CSMD2: variants seen among roughly 807,000 people sequenced by gnomAD.
CSMD2 encodes the protein CUB and sushi domain-containing protein 2.
CSMD2 carries 130 observed loss-of-function variants against 398.5 expected under a neutral mutation model. The observed-to-expected ratio is 0.33, with a 90% CI of 0.28 to 0.38. CSMD2 has a LOEUF of 0.38. Among genes scored for constraint, CSMD2 ranks in the 10% least tolerant of loss-of-function variants. The pLI is 1.00. For synonymous variants in CSMD2, 1,828 were observed against 1,908.5 expected (o/e 0.96, Z 1.10); for missense variants, 3,829 against 4,764.9 (o/e 0.80, Z 5.78).
chr1:33,772,421 A>T, intron 13 of CSMD2, 148 bp downstream of exon 13: 1 of 643,356 alleles, frequency 1.6e-6, no homozygotes, highest in Admixed American at 2.9e-5. Context: ...CCCACCAGCA[A>T]CGTTCCGAGG....
At chr1:34,046,107 TC>T (rs1446230706) in intron 2 of CSMD2, among the ~76,000 whole-genome samples, 1 of 152,204 alleles carries the variant, frequency 6.6e-6, no homozygotes, top group Non-Finnish European at 1.5e-5. Context: ...AAAGCTACCT[TC>T]CGTTAGATGA....
intron 1 of CSMD2, among the ~76,000 whole-genome samples, chr1:34,095,637 C>A (rs1323404119): frequency 6.6e-6 from 1 of 151,754 alleles, no homozygotes; most frequent in Non-Finnish European, 1.5e-5. Context: ...AACACCTCTA[C>A]GCAAATAAAC....
intron 4 of CSMD2, among the ~76,000 whole-genome samples, chr1:33,922,980 G>A (rs975443883): frequency 3.3e-5 from 5 of 152,074 alleles, no homozygotes; most frequent in African/African-American, 1.2e-4. Flanking sequence ...GTGATGTTTT[G>A]ATATATGTAT....
At chr1:33,816,252 T>C (rs1657451510) in intron 9 of CSMD2, among the ~76,000 whole-genome samples, 1 of 152,200 alleles carries the variant, frequency 6.6e-6, no homozygotes, top group Non-Finnish European at 1.5e-5. Context: ...AAGTTCCTGT[T>C]AATTATTTAC....
At position 33,605,279 on chromosome 1, in the gene CSMD2, T is replaced by C. The variant is rs1422946547; in HGVS notation, c.6532+3A>G. 1.2e-6 allele frequency: 2 copies of C among 1,613,754 alleles called. No homozygotes were observed. The highest frequency in any genetic ancestry group is 2.2e-5 in the South Asian group (2 of 91,012). On this transcript the variant is annotated splice_donor_region_variant and intron_variant, in intron 42 of 70. Coordinates refer to ENST00000373381, the MANE Select transcript of CSMD2 (RefSeq NM_001281956.2). ...AACTGCTGGGGATGAGGGAGCGACA[T>C]ACCTTCACACTTGGGCAGGGGGTGG...
At chr1:34,047,606 T>C (rs1325352631) in intron 2 of CSMD2, among the ~76,000 whole-genome samples, 1 of 152,130 alleles carries the variant, frequency 6.6e-6, no homozygotes, top group African/African-American at 2.4e-5. Context: ...AACCCCAGTA[T>C]TGAGAACAGC....
intron 26 of CSMD2, 149 bp from the exon 27 acceptor site, chr1:33,658,286 A>T: frequency 3.1e-6 from 2 of 635,498 alleles, no homozygotes; most frequent in South Asian, 3.9e-5. Flanking sequence ...CTGTAGCCAC[A>T]GTGCCACTAT....
intron 16 of CSMD2, among the ~76,000 whole-genome samples, chr1:33,725,914 TAA>T (rs1005587030): frequency 1.3e-5 from 2 of 149,706 alleles, no homozygotes; most frequent in African/African-American, 5.0e-5. Flanking sequence ...TTTACATTTG[TAA>T]AGAGATCTTA....
intron 3 of CSMD2, among the ~76,000 whole-genome samples, chr1:33,950,114 C>T (rs1403525062): frequency 1.3e-5 from 2 of 151,680 alleles, no homozygotes; most frequent in African/African-American, 4.8e-5. Context: ...CAGGACCAGG[C>T]CCTACCCTAT....
At chr1:33,969,734 T>C (rs1197347580) in intron 3 of CSMD2, among the ~76,000 whole-genome samples, 1 of 152,102 alleles carries the variant, frequency 6.6e-6, no homozygotes, top group African/African-American at 2.4e-5. Context: ...GCTGGCTCCT[T>C]AGATGAATGA....
Position 33,533,732 on chromosome 1 carries a change from T to C in CSMD2, c.9991+64A>G, listed in dbSNP as rs557570587. The C allele has an allele frequency of 1.2e-4, 122 of 1,038,884 alleles. 1 individual carries two copies. In the African/African-American group the frequency reaches 1.7e-3, roughly 14 times the overall value. 64.4% of individuals were successfully genotyped at this position (1,038,884 alleles called of 1,614,324 possible). The stretch of plus-strand genomic sequence containing the variant: ...CCCTGTCATTCAGAGCATTCAAACA[T>C]GACCCAGATGCCCAGCTGGGGCAAG... On this transcript the variant is annotated intron_variant, in intron 63 of 70. Coordinates refer to ENST00000373381, the MANE Select transcript of CSMD2 (RefSeq NM_001281956.2). The surrounding 1 kb of genome is among the most constrained non-coding windows in gnomAD (Gnocchi z 4.2).
intron 3 of CSMD2, among the ~76,000 whole-genome samples, chr1:33,997,591 G>A (rs972708764): frequency 6.6e-6 from 1 of 152,130 alleles, no homozygotes; most frequent in Non-Finnish European, 1.5e-5. Context: ...GCAGGCAAAC[G>A]GTGACCCATG....
intron 41 of CSMD2, among the ~76,000 whole-genome samples, chr1:33,607,121 G>A (rs917091775): frequency 3.9e-5 from 6 of 152,128 alleles, no homozygotes; most frequent in Admixed American, 1.3e-4. Flanking sequence ...TAGCATTTGG[G>A]GACAATTGTA....
At chr1:34,114,549 T>A (rs1332923120) in intron 1 of CSMD2, among the ~76,000 whole-genome samples, 6 of 152,050 alleles carry the variant, frequency 3.9e-5, no homozygotes, top group Non-Finnish European at 8.8e-5. Flanking sequence ...CAATTTTTTT[T>A]AATTAGCTGG....
rs116012540 is a variant in CSMD2, at chr1:33,966,247, A to T, written c.518-30293T>A. 9.9e-3 allele frequency among the ~76,000 whole-genome samples: 1,508 copies of T among 152,292 alleles called. 23 individuals carry two copies. The highest frequency in any genetic ancestry group is 0.035 in the African/African-American group (1,446 of 41,548). On this transcript the variant is annotated intron_variant, in intron 3 of 70. Transcript: ENST00000373381. The stretch of plus-strand genomic sequence containing the variant: ...CAGCAGTGAAGCCTTCTTGACTGCA[A>T]TTCTAGGCCAACCTTGATCTCACCT...
intron 42 of CSMD2, 66 bp downstream of exon 42, chr1:33,605,216 G>T: frequency 7.0e-7 from 1 of 1,437,058 alleles, no homozygotes; most frequent in Non-Finnish European, 9.6e-7. Flanking sequence ...TGGAACATGG[G>T]ATTGCTCTGG....
chr1:34,041,837 C>G (rs947435987), intron 2 of CSMD2, among the ~76,000 whole-genome samples: 7 of 152,222 alleles, frequency 4.6e-5, no homozygotes, highest in African/African-American at 1.7e-4. Flanking sequence ...TCCAGAGAGA[C>G]ACACTTGGGC....
chr1:33,671,744 C>T (rs901947176), intron 25 of CSMD2, among the ~76,000 whole-genome samples: 3 of 152,092 alleles, frequency 2.0e-5, no homozygotes, highest in South Asian at 2.1e-4. Flanking sequence ...AGGAGATTTT[C>T]TACCAGAGCC....
Position 34,089,198 on chromosome 1 carries a change from GA to G in CSMD2, c.188-6del. The G allele has an allele frequency of 6.2e-7, 1 of 1,613,606 alleles. No individual in the cohort carries two copies. On this transcript the variant is annotated splice_region_variant and splice_polypyrimidine_tract_variant and intron_variant, in intron 1 of 70. Coordinates refer to ENST00000373381, the MANE Select transcript of CSMD2 (RefSeq NM_001281956.2). ...GTTGGAACGTGCAGTTCTGGCCTGG[GA>G]AAGAGAAATGGAGCAGTTCAGAATA...
Sources: gnomAD v4.1 joint callset for allele counts (sites outside exome capture counted in the v4.1 genomes callset) on GRCh38, gnomAD v4.1.1 for gene constraint, Gnocchi (gnomAD v3.1) non-coding constraint, MANE v1.5 for transcripts, NCBI Gene and HGNC (gene_info 2026-07-23, HGNC 2026-07-21) for gene names.